The following KIAA0586 variants were observed in gnomAD, a reference collection of about 807,000 sequenced individuals.
The protein encoded by KIAA0586 is KIAA0586.
Under a neutral mutation model 169.8 loss-of-function variants are expected in KIAA0586, and 144 were observed. The observed-to-expected ratio is 0.85, with a 90% CI of 0.74 to 0.97. The LOEUF (loss-of-function observed/expected upper bound fraction) is 0.97, where lower values mean the gene tolerates loss of function less well. KIAA0586 is among the 50% of genes least tolerant of loss of function. The pLI is 0.00. For synonymous variants in KIAA0586, 625 were observed against 612.4 expected, an observed-to-expected ratio of 1.02 and a Z score of -0.30; for missense variants, 1,854 against 1,823.0, an observed-to-expected ratio of 1.02 and a Z score of -0.31.
intron 30 of KIAA0586, among the ~76,000 whole-genome samples, chr14:58,541,826 CA>C (rs2046653315): frequency 6.6e-6 from 1 of 152,102 alleles, no homozygotes; most frequent in Admixed American, 6.6e-5. Flanking sequence ...AAATGCATGC[CA>C]GGTTAAATGA....
At chr14:58,503,831 G>C (rs1371447903) in intron 27 of KIAA0586, among the ~76,000 whole-genome samples, 2 of 151,800 alleles carry the variant, frequency 1.3e-5, no homozygotes, top group African/African-American at 2.4e-5. Context: ...AAAAAGCAAG[G>C]GTTAATCGTG....
intron 27 of KIAA0586, among the ~76,000 whole-genome samples, chr14:58,502,836 A>G (rs1372732287): frequency 6.6e-6 from 1 of 152,200 alleles, no homozygotes; most frequent in East Asian, 1.9e-4. Flanking sequence ...ACCACAGACT[A>G]TAACTGTGGT....
At chr14:58,532,959 T>TA (rs1225694971) in intron 29 of KIAA0586, among the ~76,000 whole-genome samples, 1 of 152,262 alleles carries the variant, frequency 6.6e-6, no homozygotes, top group East Asian at 1.9e-4. Flanking sequence ...TAGTCTTTGT[T>TA]ACACTTGTCA....
chr14:58,546,878 T>G (rs1488686803), intron 30 of KIAA0586, among the ~76,000 whole-genome samples: 1 of 152,178 alleles, frequency 6.6e-6, no homozygotes, highest in Non-Finnish European at 1.5e-5. Context: ...TACTTTACAG[T>G]AGAGAGAAAA....
At chr14:58,504,140 T>C (rs2043772328) in intron 27 of KIAA0586, among the ~76,000 whole-genome samples, 1 of 152,174 alleles carries the variant, frequency 6.6e-6, no homozygotes, top group East Asian at 1.9e-4. Context: ...CAAGATCATC[T>C]GAGATGCAAT....
intron 9 of KIAA0586, among the ~76,000 whole-genome samples, chr14:58,454,012 T>C (rs548279782): frequency 1.3e-5 from 2 of 152,298 alleles, no homozygotes; most frequent in South Asian, 4.1e-4. Context: ...GTGGAGATAT[T>C]GTATAGTCTA....
chr14:58,557,899 A>ATATTTTTTT, the KIAA0586 span, among the ~76,000 whole-genome samples: 1 of 46,610 alleles, frequency 2.1e-5, no homozygotes, highest in Admixed American at 2.7e-4. Context: ...ATCCTGAGAA[A>ATATTTTTTT]TCTTTTTTTT....
intron 19 of KIAA0586, among the ~76,000 whole-genome samples, chr14:58,476,814 C>T (rs1402761720): frequency 1.3e-5 from 2 of 151,754 alleles, no homozygotes; most frequent in East Asian, 1.9e-4. Flanking sequence ...ACTACAGGCA[C>T]GTACCACCTA....
intron 27 of KIAA0586, among the ~76,000 whole-genome samples, chr14:58,506,933 G>A (rs909725484): frequency 1.4e-4 from 21 of 151,962 alleles, no homozygotes; most frequent in African/African-American, 4.8e-4. Flanking sequence ...GATCACTTTA[G>A]CCCAGGGGTT....
intron 30 of KIAA0586, among the ~76,000 whole-genome samples, chr14:58,547,131 A>G (rs761048017): frequency 1.3e-5 from 2 of 150,614 alleles, no homozygotes; most frequent in Non-Finnish European, 2.9e-5. Context: ...AATGCCTTTT[A>G]CATGGCTGAT....
chr14:58,511,272 A>C (rs551174437), intron 28 of KIAA0586, among the ~76,000 whole-genome samples: 1 of 152,236 alleles, frequency 6.6e-6, no homozygotes, highest in African/African-American at 2.4e-5. Flanking sequence ...TTTAGCTAGC[A>C]GGGACTTATG....
chr14:58,496,284 TGA>T (rs994202334), intron 26 of KIAA0586, among the ~76,000 whole-genome samples: 1 of 152,202 alleles, frequency 6.6e-6, no homozygotes, highest in Non-Finnish European at 1.5e-5. Flanking sequence ...GAGATACTTA[TGA>T]GTATGAGACC....
intron 18 of KIAA0586, 61 bp from the exon 19 acceptor site, chr14:58,474,546 G>A (rs1399055886): frequency 8.6e-7 from 1 of 1,164,862 alleles, no homozygotes; most frequent in Non-Finnish European, 1.2e-6. Context: ...GCCTATAGTT[G>A]GTACTCAGTA....
chr14:58,443,830 A>T, intron 5 of KIAA0586, 124 bp from the exon 6 acceptor site: 1 of 635,798 alleles, frequency 1.6e-6, no homozygotes, highest in Non-Finnish European at 2.8e-6. Context: ...TTAGACATTT[A>T]GTGGGTAAAG....
At chr14:58,534,721 A>G (rs1433938402) in intron 29 of KIAA0586, among the ~76,000 whole-genome samples, 1 of 152,224 alleles carries the variant, frequency 6.6e-6, no homozygotes, top group Non-Finnish European at 1.5e-5. Flanking sequence ...GACTTAGTGT[A>G]ACTATTTATT....
intron 6 of KIAA0586, among the ~76,000 whole-genome samples, chr14:58,444,915 GAAAAAAAAAA>G (rs869127762): frequency 4.5e-5 from 5 of 111,988 alleles, no homozygotes; most frequent in South Asian, 3.2e-4. Context: ...CATCTCTTAG[GAAAAAAAAAA>G]AAAAAAAAAA....
At chr14:58,455,205 A>G (rs563266345) in intron 9 of KIAA0586, among the ~76,000 whole-genome samples, 3 of 150,150 alleles carry the variant, frequency 2.0e-5, no homozygotes, top group East Asian at 2.0e-4. Context: ...TTCTATCTCT[A>G]TTGATCATTC....
rs182271603 is a variant in KIAA0586 at position 58,440,663 on chromosome 14, A to G, written c.411-2043A>G. ...AGTGATATTTGTTAAGTAAATCTAA[A>G]TGACCTAGAATTCAGAAAATTCTTT... On this transcript the variant is annotated intron_variant, in intron 4 of 30. Coordinates refer to ENST00000652326, the MANE Select transcript of KIAA0586 (RefSeq NM_001329943.3). 2.0e-5 allele frequency among the ~76,000 whole-genome samples: 3 copies of G among 152,318 alleles called. No individual in the cohort carries two copies. In the East Asian group the frequency reaches 5.8e-4, roughly 29 times the overall value.
At chr14:58,516,826 A>G (rs976240692) in intron 29 of KIAA0586, among the ~76,000 whole-genome samples, 4 of 152,248 alleles carry the variant, frequency 2.6e-5, no homozygotes, top group African/African-American at 7.2e-5. Flanking sequence ...ATTCAAAAAA[A>G]AAGTCCACAC....
Sources: allele counts gnomAD v4.1 joint callset (sites outside exome capture counted in the v4.1 genomes callset), GRCh38; gene constraint gnomAD v4.1.1; transcripts MANE v1.5; gene names NCBI Gene and HGNC (gene_info 2026-07-23, HGNC 2026-07-21).